Variants in CFAP299 observed in about 807,000 individuals in gnomAD.
CFAP299 encodes cilia and flagella associated protein 299.
Under a neutral mutation model 27.0 loss-of-function variants are expected in CFAP299, and 21 were observed. That is an observed-to-expected ratio of 0.78 (90% CI 0.55 to 1.12). The LOEUF is 1.12. Ranked by LOEUF, CFAP299 falls within the 50% of genes most tolerant of loss-of-function variation. The pLI is 0.00. For synonymous variants in CFAP299, 104 were observed against 98.1 expected, an observed-to-expected ratio of 1.06 and a Z score of -0.36; for missense variants, 310 against 276.6, an observed-to-expected ratio of 1.12 and a Z score of -0.86.
intron 2 of CFAP299, among the ~76,000 whole-genome samples, chr4:80,569,826 T>G (rs1386566786): frequency 6.6e-6 from 1 of 152,016 alleles, no homozygotes; most frequent in African/African-American, 2.4e-5. Flanking sequence ...AAATAAGTAG[T>G]GAGACACTAT....
chr4:80,757,149 A>T (rs187669655), intron 3 of CFAP299, among the ~76,000 whole-genome samples: 215 of 152,192 alleles, frequency 1.4e-3, no homozygotes, highest in African/African-American at 5.0e-3. Flanking sequence ...AACCTATCAA[A>T]GTTTGATTTT....
intron 4 of CFAP299, among the ~76,000 whole-genome samples, chr4:80,906,205 ATTAAAAT>A (rs766000876): frequency 6.6e-6 from 1 of 152,214 alleles, no homozygotes; most frequent in Non-Finnish European, 1.5e-5. Context: ...TAGGGCAGTC[ATTAAAAT>A]TTAAAGTTCC....
intron 3 of CFAP299, among the ~76,000 whole-genome samples, chr4:80,789,531 T>G (rs1727433012): frequency 6.6e-6 from 1 of 152,094 alleles, no homozygotes; most frequent in African/African-American, 2.4e-5. Context: ...TAAATTATTC[T>G]GTTCTAAAGA....
chr4:80,534,606 A>G (rs905954562), intron 2 of CFAP299, among the ~76,000 whole-genome samples: 12 of 152,098 alleles, frequency 7.9e-5, no homozygotes, highest in African/African-American at 2.9e-4. Context: ...TGGATATAAA[A>G]ATAAGATTTT....
chr4:80,896,552 A>C (rs949238654), intron 4 of CFAP299, among the ~76,000 whole-genome samples: 1 of 152,112 alleles, frequency 6.6e-6, no homozygotes, highest in Admixed American at 6.5e-5. Context: ...AAAAAGTCAA[A>C]TCATATGTAA....
At chr4:80,849,292 A>G (rs1731363673) in intron 3 of CFAP299, among the ~76,000 whole-genome samples, 1 of 152,280 alleles carries the variant, frequency 6.6e-6, no homozygotes, top group South Asian at 2.1e-4. Context: ...TTTCAGCTCC[A>G]TTATAGTAGT....
At chr4:80,877,849 C>A (rs1424770544) in intron 4 of CFAP299, among the ~76,000 whole-genome samples, 5 of 151,980 alleles carry the variant, frequency 3.3e-5, no homozygotes. Flanking sequence ...CTAGACAAAA[C>A]AATTGTTAAC....
intron 3 of CFAP299, among the ~76,000 whole-genome samples, chr4:80,756,801 G>C (rs1398694768): frequency 6.6e-6 from 1 of 151,998 alleles, no homozygotes; most frequent in Admixed American, 6.6e-5. Context: ...GCTGACCTCT[G>C]TCATATATAA....
At chr4:80,435,758 T>C (rs1728037746) in intron 2 of CFAP299, among the ~76,000 whole-genome samples, 1 of 152,192 alleles carries the variant, frequency 6.6e-6, no homozygotes. Flanking sequence ...TCCTACCTAG[T>C]GGGATGTGAT....
chr4:80,460,885 A>G (rs949536847), intron 2 of CFAP299, among the ~76,000 whole-genome samples: 2 of 152,206 alleles, frequency 1.3e-5, no homozygotes, highest in African/African-American at 2.4e-5. Context: ...CCAATGGCTC[A>G]TAACACAGCC....
chr4:80,646,982 AGAGAGAGTGTGT>A lies in CFAP299; in HGVS notation c.333+63801_333+63812del, dbSNP rs762531732. Among the ~76,000 whole-genome samples, 92 of 65,958 alleles carry A rather than the reference AGAGAGAGTGTGT, an allele frequency of 1.4e-3. 1 individual carries two copies. Among genetic ancestry groups the A allele is most frequent in the East Asian group, 5.4e-3 (13 of 2,426 alleles). The allele number at this position is 65,958 out of a possible 152,430, so 43.3% of individuals were successfully genotyped here. On this transcript the variant is annotated intron_variant, in intron 3 of 5. Transcript: ENST00000358105. ...TTCCAATTCTTTGAGAGAGAGAGAG[AGAGAGAGTGTGT>A]GTGTGTGTGTGTGTGTGTGTGTGTA...
At chr4:80,871,941 T>C (rs1733118253) in intron 4 of CFAP299, 1 of 151,174 alleles carries the variant, frequency 6.6e-6, no homozygotes. Flanking sequence ...TGTCTTACTA[T>C]ATCTTGACCT....
intron 2 of CFAP299, among the ~76,000 whole-genome samples, chr4:80,434,821 T>A (rs376618638): frequency 3.9e-5 from 6 of 152,186 alleles, no homozygotes; most frequent in East Asian, 3.9e-4. Context: ...AGCTGATTGA[T>A]CCTTAAGGAT....
chr4:80,491,280 T>C (rs1453953786), intron 2 of CFAP299, among the ~76,000 whole-genome samples: 3 of 152,198 alleles, frequency 2.0e-5, no homozygotes, highest in Admixed American at 6.5e-5. Context: ...AGATTTTCTA[T>C]AAGTTTTAAA....
chr4:80,891,054 C>T, intron 4 of CFAP299, among the ~76,000 whole-genome samples: 1 of 151,616 alleles, frequency 6.6e-6, no homozygotes. Flanking sequence ...TGCAGAAGCT[C>T]TTTAGTTTAA....
chr4:80,914,541 A>G (rs1735649744), intron 4 of CFAP299, among the ~76,000 whole-genome samples: 1 of 152,152 alleles, frequency 6.6e-6, no homozygotes, highest in African/African-American at 2.4e-5. Flanking sequence ...CATTGAAAAA[A>G]GGCTCCTGGA....
Position 80,799,900 on chromosome 4 carries a change from A to AT in CFAP299, c.334-70091dup, listed in dbSNP as rs1453956523. 1.0e-3 allele frequency among the ~76,000 whole-genome samples: 42 copies of AT among 40,204 alleles called. 1 individual carries two copies. Among genetic ancestry groups the AT allele is most frequent in the African/African-American group, 4.7e-3 (41 of 8,680 alleles). The allele number at this position is 40,204 out of a possible 152,430, so 26.4% of individuals were successfully genotyped here. On this transcript the variant is annotated intron_variant, in intron 3 of 5. Transcript: ENST00000358105. ...ATATTATATAATATATAAATTATAT[A>AT]TTATAATATAATATATAATATATAT...
At chr4:80,675,638 C>G (rs1719391245) in intron 3 of CFAP299, among the ~76,000 whole-genome samples, 1 of 152,178 alleles carries the variant, frequency 6.6e-6, no homozygotes, top group Admixed American at 6.5e-5. Flanking sequence ...ATGCCCTGCC[C>G]CCAGAGGTGG....
intron 2 of CFAP299, among the ~76,000 whole-genome samples, chr4:80,452,073 G>A (rs544079805): frequency 1.3e-5 from 2 of 152,276 alleles, no homozygotes; most frequent in Admixed American, 6.5e-5. Context: ...GGCTACAGTA[G>A]ATCTTCACCC....
Sources: allele counts gnomAD v4.1 joint callset (sites outside exome capture counted in the v4.1 genomes callset), GRCh38; gene constraint gnomAD v4.1.1; transcripts MANE v1.5; gene names NCBI Gene and HGNC (gene_info 2026-07-23, HGNC 2026-07-21).